The following IFT88 variants were observed in gnomAD, a reference collection of about 807,000 sequenced individuals.
The protein encoded by IFT88 is intraflagellar transport 88.
IFT88 carries 74 observed loss-of-function variants against 119.5 expected under a neutral mutation model. The observed-to-expected ratio is 0.62, with a 90% CI of 0.51 to 0.75. IFT88 has a LOEUF of 0.75. IFT88 is among the 30% of genes least tolerant of loss of function. The pLI, the probability that IFT88 is intolerant of heterozygous loss-of-function variation, is 0.00. For missense variants in IFT88, 961 were observed against 977.7 expected (o/e 0.98, Z 0.23); for synonymous variants, 279 against 316.7 (o/e 0.88, Z 1.26).
intron 8 of IFT88, 25 bp downstream of exon 8, chr13:20,596,265 A>T: frequency 9.4e-7 from 1 of 1,065,734 alleles, no homozygotes; most frequent in Non-Finnish European, 1.4e-6. Flanking sequence ...AAGATTCAAA[A>T]TTATGAAGCA....
Position 20,583,187 on chromosome 13 carries a change from GAAAGTCTGT to G in IFT88, c.153+170_153+178del, listed in dbSNP as rs140486415. On this transcript the variant is annotated intron_variant, in intron 3 of 25. Coordinates refer to ENST00000351808, the MANE Select transcript of IFT88 (RefSeq NM_006531.5). ...CAGAAGTTTTTCATCTTGTATATATGAAAGTCTGTATCCATTAAACAAAAACTTCCCATT... is the reference window on the plus strand; with the variant it reads ...CAGAAGTTTTTCATCTTGTATATATGATCCATTAAACAAAAACTTCCCATT... Among the ~76,000 whole-genome samples, 1,070 of 152,194 alleles carry G rather than the reference GAAAGTCTGT, an allele frequency of 7.0e-3. 5 individuals carry two copies. The highest frequency in any genetic ancestry group is 0.012 in the Non-Finnish European group (797 of 68,000).
Position 20,601,783 on chromosome 13 carries a change from C to T in IFT88, c.891C>T (p.His297=). The change falls in exon 12 of 26, where the codon CAC becomes CAT. Residue 297 remains histidine, a synonymous_variant. Transcript: ENST00000351808. ...CAGATGCTATTAATTCATATGAGCACATAATGAGCATGGCACCAAATCTGA... is the reference window on the plus strand; with the variant it reads ...CAGATGCTATTAATTCATATGAGCATATAATGAGCATGGCACCAAATCTGA... ...QYSDAINSYE[H]IMSMAPNLKA... is the part of the protein sequence containing the mutation. 1 of 1,613,240 alleles carries T rather than the reference C, an allele frequency of 6.2e-7. No individual in the cohort carries two copies. The highest frequency in any genetic ancestry group is 8.5e-7 in the Non-Finnish European group (1 of 1,179,264).
chr13:20,584,907 C>T (rs1287355861), intron 3 of IFT88, among the ~76,000 whole-genome samples: 1 of 152,216 alleles, frequency 6.6e-6, no homozygotes, highest in Admixed American at 6.5e-5. Context: ...GTGGGTGCTA[C>T]TGGCACCTAG....
intron 16 of IFT88, 158 bp downstream of exon 16, chr13:20,631,260 C>A: frequency 1.8e-6 from 1 of 571,216 alleles, no homozygotes. Flanking sequence ...AGTGCCAGGC[C>A]AGGGGCTGAG....
At chr13:20,639,004 A>G (rs2049452194) in intron 17 of IFT88, among the ~76,000 whole-genome samples, 1 of 152,244 alleles carries the variant, frequency 6.6e-6, no homozygotes, top group Non-Finnish European at 1.5e-5. Context: ...TAAGCCAAAT[A>G]CTACAAGCCA....
chr13:20,656,469 T>G (rs1199718132), intron 22 of IFT88, 39 bp downstream of exon 22: 6 of 964,758 alleles, frequency 6.2e-6, no homozygotes, highest in Non-Finnish European at 9.4e-6. Context: ...AAGTGATAAG[T>G]TCTCATATTT....
intron 3 of IFT88, among the ~76,000 whole-genome samples, chr13:20,583,744 A>AT (rs1364158608): frequency 7.2e-5 from 11 of 152,130 alleles, no homozygotes; most frequent in Non-Finnish European, 1.3e-4. Context: ...TTCTTCTAGC[A>AT]TTTTTTGTAG....
intron 23 of IFT88, among the ~76,000 whole-genome samples, chr13:20,664,359 G>C (rs1352241087): frequency 2.0e-5 from 3 of 151,980 alleles, no homozygotes; most frequent in Non-Finnish European, 4.4e-5. Flanking sequence ...TTTGTGCTTG[G>C]GGGAATCCAC....
intron 3 of IFT88, among the ~76,000 whole-genome samples, chr13:20,583,415 G>T (rs933268036): frequency 6.6e-6 from 1 of 152,090 alleles, no homozygotes; most frequent in African/African-American, 2.4e-5. Context: ...TTTTAAGTTT[G>T]AATAGTATTC....
intron 14 of IFT88, among the ~76,000 whole-genome samples, chr13:20,624,400 C>T (rs1043517031): frequency 6.6e-6 from 1 of 152,136 alleles, no homozygotes; most frequent in Non-Finnish European, 1.5e-5. Context: ...CGAACCCTGT[C>T]CTCTTGGGTA....
At chr13:20,639,753 G>T (rs2049567041) in intron 17 of IFT88, among the ~76,000 whole-genome samples, 3 of 148,456 alleles carry the variant, frequency 2.0e-5, no homozygotes, top group Admixed American at 6.7e-5. Flanking sequence ...TTTTATCAGA[G>T]AATTGTTTTA....
At chr13:20,665,199 C>T (rs2054490830) in intron 23 of IFT88, among the ~76,000 whole-genome samples, 1 of 152,074 alleles carries the variant, frequency 6.6e-6, no homozygotes, top group East Asian at 1.9e-4. Context: ...AATGCTGTTT[C>T]AATATTTGCC....
intron 24 of IFT88, 81 bp downstream of exon 24, chr13:20,671,120 T>C: frequency 9.0e-7 from 1 of 1,109,818 alleles, no homozygotes; most frequent in Non-Finnish European, 1.4e-6. Flanking sequence ...TGCAATAATC[T>C]AAAGTGTTCT....
intron 9 of IFT88, among the ~76,000 whole-genome samples, chr13:20,597,701 G>A (rs769786295): frequency 6.6e-6 from 1 of 150,652 alleles, no homozygotes; most frequent in Non-Finnish European, 1.5e-5. Context: ...CCAAGATCTT[G>A]CCACCACACT....
At chr13:20,604,042 C>T (rs2043023858) in intron 12 of IFT88, among the ~76,000 whole-genome samples, 1 of 152,108 alleles carries the variant, frequency 6.6e-6, no homozygotes, top group Non-Finnish European at 1.5e-5. Flanking sequence ...GCCTGGATGA[C>T]AGAGTGAGAC....
At chr13:20,568,380 T>C (rs1207256360) in intron 1 of IFT88, among the ~76,000 whole-genome samples, 1 of 152,230 alleles carries the variant, frequency 6.6e-6, no homozygotes, top group African/African-American at 2.4e-5. Context: ...CCTTCAACTT[T>C]CCTGGCCTCA....
intron 20 of IFT88, among the ~76,000 whole-genome samples, chr13:20,651,241 G>A (rs77128585): frequency 0.043 from 6,514 of 151,738 alleles, 183 homozygotes; most frequent in Middle Eastern, 0.075. Flanking sequence ...TTGCATTGAC[G>A]TTATAGATCA....
At chr13:20,583,055 A>C in intron 3 of IFT88, 36 bp downstream of exon 3, 8 of 1,289,494 alleles carry the variant, frequency 6.2e-6, no homozygotes, top group Non-Finnish European at 9.0e-6. Flanking sequence ...TTGTGGTAAA[A>C]AATACATAAC....
At chr13:20,586,428 G>A (rs2039671971) in intron 3 of IFT88, among the ~76,000 whole-genome samples, 1 of 152,116 alleles carries the variant, frequency 6.6e-6, no homozygotes, top group African/African-American at 2.4e-5. Flanking sequence ...AATTGCTGTG[G>A]AATTTAAAAG....
Sources: allele counts gnomAD v4.1 joint callset (sites outside exome capture counted in the v4.1 genomes callset), GRCh38; gene constraint gnomAD v4.1.1; transcripts MANE v1.5; gene names NCBI Gene and HGNC (gene_info 2026-07-23, HGNC 2026-07-21).